PIAS4: variants seen among roughly 807,000 people sequenced by gnomAD.
PIAS4 encodes the protein E3 SUMO-protein ligase PIAS4.
In PIAS4, 7 loss-of-function variants were observed where a neutral mutation model predicts 58.0. The observed-to-expected ratio is 0.12, with a 90% CI of 0.07 to 0.23. The LOEUF (loss-of-function observed/expected upper bound fraction) is 0.23. Among genes scored for constraint, PIAS4 ranks in the 10% least tolerant of loss-of-function variants. The pLI, the probability that PIAS4 is intolerant of heterozygous loss-of-function variation, is 1.00. For synonymous variants in PIAS4, 364 were observed against 312.4 expected (o/e 1.17, Z -1.74); for missense variants, 550 against 709.5 (o/e 0.78, Z 2.55).
At chr19:4,024,459 A>T (rs923124745) in intron 3 of PIAS4, among the ~76,000 whole-genome samples, 4 of 152,204 alleles carry the variant, frequency 2.6e-5, no homozygotes, top group South Asian at 2.1e-4. Flanking sequence ...TGACAAGAAC[A>T]CACCCCTGTT....
At position 4,038,317 on chromosome 19, in the gene PIAS4, G is replaced by A. The variant is rs1390945540; in HGVS notation, c.*442G>A. On this transcript the variant is annotated 3_prime_UTR_variant, in exon 11 of 11. Coordinates refer to ENST00000262971, the MANE Select transcript of PIAS4 (RefSeq NM_015897.4). The surrounding 1 kb of genome is among the most constrained non-coding windows in gnomAD (Gnocchi z 4.1). Reference sequence around the variant, plus strand: ...GGCGGTGGGGCGCAGCCCCTCTCTGGCGACCACTTTGACGTTTGTCTCTTC... The same window carrying A: ...GGCGGTGGGGCGCAGCCCCTCTCTGACGACCACTTTGACGTTTGTCTCTTC... 1 of 152,918 alleles carries A rather than the reference G, an allele frequency of 6.5e-6. No individual in the cohort carries two copies. The highest frequency in any genetic ancestry group is 1.5e-5 in the Non-Finnish European group (1 of 68,714). The allele number at this position is 152,918 out of a possible 1,614,324, so 9.5% of individuals were successfully genotyped here.
intron 1 of PIAS4, among the ~76,000 whole-genome samples, chr19:4,008,867 A>G (rs537143886): frequency 6.7e-6 from 1 of 149,272 alleles, no homozygotes; most frequent in African/African-American, 2.5e-5. Context: ...TCTTTTGTTG[A>G]TCTCTGGAGG....
intron 7 of PIAS4, among the ~76,000 whole-genome samples, chr19:4,031,275 AGCCTC>A (rs1349917289): frequency 6.6e-6 from 1 of 152,060 alleles, no homozygotes; most frequent in Non-Finnish European, 1.5e-5. Context: ...ATCGTGTTGA[AGCCTC>A]CTGTGCACTC....
chr19:4,012,780 G>A, intron 1 of PIAS4, 143 bp from the exon 2 acceptor site: 1 of 872,644 alleles, frequency 1.1e-6, no homozygotes, highest in Non-Finnish European at 1.8e-6. Flanking sequence ...GTAGGGGCAG[G>A]GCACTCCACC....
intron 9 of PIAS4, among the ~76,000 whole-genome samples, chr19:4,036,631 C>T (rs1284489810): frequency 7.4e-6 from 1 of 135,118 alleles, no homozygotes; most frequent in Non-Finnish European, 1.5e-5. Flanking sequence ...CGTCTCACAT[C>T]TATACAGTCC....
chr19:4,035,314 G>A (rs754111718), intron 9 of PIAS4, among the ~76,000 whole-genome samples: 1 of 152,118 alleles, frequency 6.6e-6, no homozygotes, highest in Non-Finnish European at 1.5e-5. Context: ...GCATGGACCC[G>A]TGGGGCAGGG....
chr19:4,030,764 TG>T (rs1199246359), intron 7 of PIAS4, among the ~76,000 whole-genome samples: 1 of 152,214 alleles, frequency 6.6e-6, no homozygotes, highest in Non-Finnish European at 1.5e-5. Context: ...TGGTGGCCAC[TG>T]TCTTCAGGAG....
rs1305244998 is a variant in PIAS4, at chr19:4,036,593, TAC to T, written c.1143-771_1143-770del. ...CACATCCATACAGTCCACACCGTCA[TAC>T]ACACACACATCTATACAGTCCACAC... is the stretch of plus-strand genomic sequence containing the variant. On this transcript the variant is annotated intron_variant, in intron 9 of 10. Coordinates refer to ENST00000262971, the MANE Select transcript of PIAS4 (RefSeq NM_015897.4). 3.1e-4 allele frequency among the ~76,000 whole-genome samples: 35 copies of T among 112,372 alleles called. 5 individuals carry two copies. Among genetic ancestry groups the T allele is most frequent in the African/African-American group, 1.2e-3 (32 of 27,182 alleles). 73.7% of individuals were successfully genotyped at this position (112,372 alleles called of 152,430 possible).
chr19:4,034,366 C>T (rs867181522), intron 9 of PIAS4, among the ~76,000 whole-genome samples: 1 of 152,156 alleles, frequency 6.6e-6, no homozygotes, highest in Non-Finnish European at 1.5e-5. Flanking sequence ...GATTTCATCC[C>T]CAGGTGGACC....
chr19:4,014,082 G>T (rs113747321), intron 2 of PIAS4, among the ~76,000 whole-genome samples: 4 of 152,298 alleles, frequency 2.6e-5, no homozygotes, highest in African/African-American at 9.6e-5. Context: ...CTGGTTCCTC[G>T]CTGGCAGCCT....
intron 2 of PIAS4, among the ~76,000 whole-genome samples, chr19:4,020,900 C>T (rs892573249): frequency 5.9e-5 from 9 of 152,242 alleles, no homozygotes; most frequent in African/African-American, 2.2e-4. Flanking sequence ...TGTGCCCAGC[C>T]TGCAAGTTTC....
At chr19:4,023,567 C>T (rs1198966519) in intron 2 of PIAS4, among the ~76,000 whole-genome samples, 3 of 152,238 alleles carry the variant, frequency 2.0e-5, no homozygotes, top group Non-Finnish European at 4.4e-5. Context: ...GGCTTGTGAG[C>T]ACCATGGCCT....
At chr19:4,028,688 G>A in intron 5 of PIAS4, 32 bp from the exon 6 acceptor site, 1 of 1,603,690 alleles carries the variant, frequency 6.2e-7, no homozygotes, top group Non-Finnish European at 8.5e-7. Flanking sequence ...AGCCGCTCTT[G>A]GCTCGAGGCT....
chr19:4,011,668 G>T (rs144255671), intron 1 of PIAS4, among the ~76,000 whole-genome samples: 7 of 130,976 alleles, frequency 5.3e-5, no homozygotes, highest in Admixed American at 7.4e-5. Context: ...TGGTGTGGAG[G>T]TGTGGGGGGT....
At chr19:4,036,985 G>A (rs910908777) in intron 9 of PIAS4, among the ~76,000 whole-genome samples, 11 of 152,124 alleles carry the variant, frequency 7.2e-5, no homozygotes, top group Non-Finnish European at 1.2e-4. Flanking sequence ...GCACATGCTC[G>A]CACACATGCA....
At position 4,028,805 on chromosome 19, in the gene PIAS4, C is replaced by T. The variant is rs910948410; in HGVS notation, c.758C>T (p.Ser253Leu). The change falls in exon 6 of 11, where the codon TCG becomes TTG. Residue 253 changes from serine to leucine, a missense_variant. Physicochemically the swap from Ser to Leu is moderately radical, Grantham distance 145. This residue lies in a region of PIAS4 where 225 missense variants were observed against 345.8 expected (regional missense o/e 0.65). Coordinates refer to ENST00000262971, the MANE Select transcript of PIAS4 (RefSeq NM_015897.4). ...INLTHLMYLS[S>L]ATNRITVTWG... The stretch of plus-strand genomic sequence containing the variant: ...CTCACCCACCTCATGTACCTGTCCT[C>T]GGCCACCAACCGCATCACTGTCACC... The T allele has an allele frequency of 8.1e-6, 13 of 1,613,448 alleles. No homozygotes were observed. The highest frequency in any genetic ancestry group is 3.3e-5 in the South Asian group (3 of 91,084).
intron 3 of PIAS4, among the ~76,000 whole-genome samples, chr19:4,027,480 A>T (rs2040177508): frequency 6.6e-6 from 1 of 150,792 alleles, no homozygotes; most frequent in African/African-American, 2.4e-5. Context: ...GTGAACATCC[A>T]CGGATGCGTC....
At chr19:4,032,590 T>A (rs944950288) in intron 7 of PIAS4, among the ~76,000 whole-genome samples, 4 of 152,186 alleles carry the variant, frequency 2.6e-5, no homozygotes, top group Admixed American at 2.6e-4. Flanking sequence ...GTCTTTTCCT[T>A]TAAAGAAGCA....
intron 2 of PIAS4, among the ~76,000 whole-genome samples, chr19:4,019,593 T>A (rs932776841): frequency 2.6e-5 from 4 of 152,176 alleles, no homozygotes; most frequent in African/African-American, 9.7e-5. Flanking sequence ...TAGGCTCCCG[T>A]GCAGCCTCCC....
Sources: allele counts gnomAD v4.1 joint callset (sites outside exome capture counted in the v4.1 genomes callset), GRCh38; gene constraint gnomAD v4.1.1; regional missense constraint gnomAD v4.1.1; non-coding constraint Gnocchi (gnomAD v3.1); transcripts MANE v1.5; gene names NCBI Gene and HGNC (gene_info 2026-07-23, HGNC 2026-07-21).